ATR: variants seen among roughly 807,000 people sequenced by gnomAD.
The protein encoded by ATR is ATR checkpoint kinase.
In ATR, 142 loss-of-function variants were observed where a neutral mutation model predicts 305.3. The ratio of observed to expected loss-of-function variants is 0.47; its 90% CI spans 0.41 to 0.53. ATR has a LOEUF of 0.53. ATR is among the 20% of genes least tolerant of loss of function. ATR has a pLI of 0.00. For missense variants in ATR, 2,135 were observed against 3,133.1 expected (o/e 0.68, Z 7.60); for synonymous variants, 1,050 against 1,068.1 (o/e 0.98, Z 0.33).
At chr3:142,463,676 C>T (rs146705307) in intron 41 of ATR, among the ~76,000 whole-genome samples, 40 of 152,310 alleles carry the variant, frequency 2.6e-4, no homozygotes, top group Admixed American at 1.2e-3. Context: ...TGAGCCACCA[C>T]ACCCAGCCCA....
In ATR at chr3:142,565,774, CACCAA is replaced by C. The variant is rs553759070; in HGVS notation, c.292+342_292+346del. Among the ~76,000 whole-genome samples, 777 of 96,458 alleles carry C rather than the reference CACCAA, an allele frequency of 8.1e-3. 12 individuals are homozygous for C. The highest frequency in any genetic ancestry group is 6.3e-3 in the Non-Finnish European group (269 of 43,014). 63.3% of individuals were successfully genotyped at this position (96,458 alleles called of 152,430 possible). ...AAAAAAAAAAGGAAACAAAACAAAACACCAAAACTTTGTTCACAAAAACAGGCAGC... is the reference window on the plus strand; with the variant it reads ...AAAAAAAAAAGGAAACAAAACAAAACAACTTTGTTCACAAAAACAGGCAGC... On this transcript the variant is annotated intron_variant, in intron 3 of 46. Transcript: ENST00000350721.
intron 45 of ATR, among the ~76,000 whole-genome samples, chr3:142,454,657 G>A (rs2070866825): frequency 6.6e-6 from 1 of 151,694 alleles, no homozygotes; most frequent in Non-Finnish European, 1.5e-5. Context: ...TAGCCAGGAT[G>A]GTCTTGATCT....
intron 2 of ATR, among the ~76,000 whole-genome samples, chr3:142,567,450 G>A (rs1402112090): frequency 6.6e-6 from 1 of 152,086 alleles, no homozygotes; most frequent in Non-Finnish European, 1.5e-5. Flanking sequence ...AAGGATTAAT[G>A]GCTAGTCTAA....
rs974313531 is a variant in ATR, at chr3:142,538,606, G to C, written c.3601C>G (p.Arg1201Gly). Residue 1201 changes from arginine (R) to glycine (G), a missense_variant, in exon 19 of 47, where the codon CGC becomes GGC. By Grantham distance (125) the Arg-to-Gly change is moderately radical. Around this residue, in one of 9 missense-constraint regions of ATR, gnomAD observed 530 missense variants for 766.8 expected, o/e 0.69. Coordinates refer to ENST00000350721, the MANE Select transcript of ATR (RefSeq NM_001184.4). ...LCCRAWDCFV[R>G]CLDHACLGSL... ...CCCAGACAAGCATGATCCAGGCAGC[G>C]AACAAAGCAGTCCCAAGCTCTATGT... is the stretch of plus-strand genomic sequence containing the variant. 1 of 1,613,366 alleles carries C rather than the reference G, an allele frequency of 6.2e-7. No homozygotes were observed. The highest frequency in any genetic ancestry group is 8.5e-7 in the Non-Finnish European group (1 of 1,179,580).
intron 26 of ATR, among the ~76,000 whole-genome samples, chr3:142,512,679 C>A (rs1420549623): frequency 1.3e-5 from 2 of 152,006 alleles, no homozygotes; most frequent in Non-Finnish European, 2.9e-5. Flanking sequence ...ATGGTGAAAC[C>A]CTGTCTATAC....
intron 2 of ATR, among the ~76,000 whole-genome samples, chr3:142,567,542 T>C (rs537566517): frequency 3.9e-4 from 59 of 152,310 alleles, no homozygotes; most frequent in Admixed American, 1.3e-3. Context: ...TCCCATGTAA[T>C]TTCAACAGAT....
intron 28 of ATR, among the ~76,000 whole-genome samples, chr3:142,507,408 T>C (rs953886221): frequency 1.3e-5 from 2 of 152,194 alleles, no homozygotes; most frequent in African/African-American, 2.4e-5. Context: ...CCTTGAATCA[T>C]AGCCCTTCCA....
rs938519241 is a variant in ATR at position 142,451,944 on chromosome 3, A to G, written c.7761+1184T>C. On this transcript the variant is annotated intron_variant, in intron 46 of 46. Coordinates refer to ENST00000350721, the MANE Select transcript of ATR (RefSeq NM_001184.4). ...AAAAGGTATCCAGTACAAGCCAAGT[A>G]TATCTATCACTTAACGAAAAGGAAC... The G allele has an allele frequency of 2.5e-6, 3 of 1,209,456 alleles. No homozygotes were observed. In the Admixed American group the frequency reaches 8.8e-5, roughly 35 times the overall value. The allele number at this position is 1,209,456 out of a possible 1,614,324, so 74.9% of individuals were successfully genotyped here. A position where few individuals can be genotyped will look rare whatever the true frequency, so the allele number is the denominator to read the frequency against.
Position 142,550,015 on chromosome 3 carries a change from C to T in ATR, c.2976+117G>A. 12 of 1,322,714 alleles carry T rather than the reference C, an allele frequency of 9.1e-6. No individual in the cohort carries two copies. The Middle Eastern group carries it at 6.3e-4, about 70-fold the overall frequency. The allele number at this position is 1,322,714 out of a possible 1,614,324, so 81.9% of individuals were successfully genotyped here. ...ACCATAAAGAACAATGACTCAAATCCACTTAAACTTAAGTTTTACAGCATA... is the reference window on the plus strand; with the variant it reads ...ACCATAAAGAACAATGACTCAAATCTACTTAAACTTAAGTTTTACAGCATA... On this transcript the variant is annotated intron_variant, in intron 14 of 46. Transcript: ENST00000350721.
intron 35 of ATR, among the ~76,000 whole-genome samples, chr3:142,492,086 G>C (rs975329641): frequency 1.3e-5 from 2 of 152,240 alleles, no homozygotes; most frequent in East Asian, 3.9e-4. Flanking sequence ...TGATCTGGCA[G>C]GCAGTAAGGT....
At chr3:142,575,088 A>G (rs1016416460) in intron 1 of ATR, among the ~76,000 whole-genome samples, 30 of 152,328 alleles carry the variant, frequency 2.0e-4, no homozygotes, top group African/African-American at 6.5e-4. Context: ...TTCCCATCAC[A>G]CAATAAAATC....
In ATR at chr3:142,541,005, C is replaced by T. The variant is rs2108438299; in HGVS notation, c.3480G>A (p.Lys1160=). The T allele has an allele frequency of 6.2e-7, 1 of 1,613,638 alleles. No homozygotes were observed. Among genetic ancestry groups the T allele is most frequent in the Non-Finnish European group, 8.5e-7 (1 of 1,179,694 alleles). Residue 1160 remains lysine (K), a synonymous_variant, in exon 18 of 47, where the codon AAG becomes AAA. Coordinates refer to ENST00000350721, the MANE Select transcript of ATR (RefSeq NM_001184.4). ...AACTGACATGTTTGGGTCCCATTAACTTCATCAAAGACATCAAACTGTTCA... is the reference window on the plus strand; with the variant it reads ...AACTGACATGTTTGGGTCCCATTAATTTCATCAAAGACATCAAACTGTTCA... ...MALNSLMSLM[K]LMGPKHVSSV... is the part of the protein sequence containing the mutation.
chr3:142,460,145 C>T (rs564931254), intron 42 of ATR, among the ~76,000 whole-genome samples: 16 of 152,122 alleles, frequency 1.1e-4, no homozygotes, highest in Non-Finnish European at 1.6e-4. Context: ...AGACAAGTTA[C>T]GTAAGTTCTC....
intron 2 of ATR, among the ~76,000 whole-genome samples, chr3:142,566,889 G>A (rs2035093876): frequency 6.6e-6 from 1 of 151,964 alleles, no homozygotes; most frequent in South Asian, 2.1e-4. Context: ...GACTACAGGT[G>A]TGTGCCACCA....
chr3:142,522,616 C>A, intron 23 of ATR, 112 bp downstream of exon 23: 1 of 934,026 alleles, frequency 1.1e-6, no homozygotes, highest in Non-Finnish European at 1.7e-6. Context: ...ACTTGTATAA[C>A]TTTGATAAAA....
At chr3:142,452,021 A>C (rs113913342) in intron 46 of ATR, 20,608 of 1,026,416 alleles carry the variant, frequency 0.02, 228 homozygotes, top group South Asian at 0.042. Context: ...ATTTTTCCAC[A>C]ATTCTGGAAA....
At chr3:142,462,802 A>C (rs2071049260) in intron 41 of ATR, among the ~76,000 whole-genome samples, 1 of 152,194 alleles carries the variant, frequency 6.6e-6, no homozygotes, top group Non-Finnish European at 1.5e-5. Context: ...TAAACAAAAG[A>C]GCATGAGTTC....
At chr3:142,481,793 T>C (rs1233092906) in intron 36 of ATR, among the ~76,000 whole-genome samples, 1 of 151,990 alleles carries the variant, frequency 6.6e-6, no homozygotes, top group Non-Finnish European at 1.5e-5. Context: ...CCCAGCCATA[T>C]CTGATATTTA....
chr3:142,564,750 ATTTTCTTTTTTT>A (rs1037942350), intron 3 of ATR, among the ~76,000 whole-genome samples: 1 of 151,730 alleles, frequency 6.6e-6, no homozygotes, highest in Non-Finnish European at 1.5e-5. Context: ...GTACTATAAT[ATTTTCTTTTTTT>A]TTTTCTTGAG....
Sources: gnomAD v4.1 joint callset for allele counts (sites outside exome capture counted in the v4.1 genomes callset) on GRCh38, gnomAD v4.1.1 for gene constraint, gnomAD v4.1.1 regional missense constraint, MANE v1.5 for transcripts, NCBI Gene and HGNC (gene_info 2026-07-23, HGNC 2026-07-21) for gene names.